Variants in ABCB1 observed in about 807,000 individuals in gnomAD.
ABCB1 encodes ATP binding cassette subfamily B member 1, also known as ATP-dependent translocase ABCB1.
A neutral mutation model predicts 142.0 loss-of-function variants in ABCB1; 69 were observed. That is an observed-to-expected ratio of 0.49 (90% CI 0.40 to 0.59). The LOEUF (loss-of-function observed/expected upper bound fraction) is 0.59. Among genes scored for constraint, ABCB1 ranks in the 20% least tolerant of loss-of-function variants. The pLI, the probability that ABCB1 is intolerant of heterozygous loss-of-function variation, is 0.00. For synonymous variants in ABCB1, 532 were observed against 539.2 expected, an observed-to-expected ratio of 0.99 and a Z score of 0.18; for missense variants, 1,326 against 1,554.7, an observed-to-expected ratio of 0.85 and a Z score of 2.47.
chr7:87,512,348 G>C (rs920270378), intron 25 of ABCB1, among the ~76,000 whole-genome samples: 2 of 151,972 alleles, frequency 1.3e-5, no homozygotes, highest in African/African-American at 4.8e-5. Flanking sequence ...CAGTTCAGTG[G>C]CTCTCGAATG....
At chr7:87,573,153 G>A (rs545831140) in intron 4 of ABCB1, among the ~76,000 whole-genome samples, 1 of 152,270 alleles carries the variant, frequency 6.6e-6, no homozygotes, top group South Asian at 2.1e-4. Flanking sequence ...GCAAAGGAGG[G>A]GCAAAGGCAT....
At chr7:87,674,217 G>GGT (rs1826100975) in intron 1 of ABCB1, among the ~76,000 whole-genome samples, 1 of 152,172 alleles carries the variant, frequency 6.6e-6, no homozygotes, top group South Asian at 2.1e-4. Context: ...AGTATAGCGA[G>GGT]GTACACCCTC....
intron 22 of ABCB1, among the ~76,000 whole-genome samples, chr7:87,520,186 A>T (rs528034091): frequency 1.3e-5 from 2 of 151,374 alleles, no homozygotes; most frequent in Admixed American, 1.3e-4. Flanking sequence ...ATTTCAAATA[A>T]TTTTTTTTTA....
At chr7:87,551,808 A>G (rs903321324) in intron 9 of ABCB1, among the ~76,000 whole-genome samples, 1 of 152,206 alleles carries the variant, frequency 6.6e-6, no homozygotes, top group Non-Finnish European at 1.5e-5. Flanking sequence ...AGAATATTAT[A>G]ATAGGATATT....
At chr7:87,531,764 T>C (rs564426857) in intron 20 of ABCB1, 7 of 421,230 alleles carry the variant, frequency 1.7e-5, no homozygotes, top group South Asian at 1.6e-4. Context: ...AAACCTTCAT[T>C]AATCACGGCA....
intron 3 of ABCB1, among the ~76,000 whole-genome samples, chr7:87,587,643 G>T (rs530744486): frequency 2.6e-5 from 4 of 151,962 alleles, no homozygotes; most frequent in Non-Finnish European, 4.4e-5. Flanking sequence ...AGGCCAAGGC[G>T]GGCAGATCAC....
intron 8 of ABCB1, among the ~76,000 whole-genome samples, chr7:87,558,452 T>A (rs1176078569): frequency 6.6e-6 from 1 of 152,196 alleles, no homozygotes; most frequent in Non-Finnish European, 1.5e-5. Flanking sequence ...GTGTAGACAA[T>A]CTTATCGTCT....
At chr7:87,664,369 C>T (rs1825019326) in intron 1 of ABCB1, among the ~76,000 whole-genome samples, 1 of 151,886 alleles carries the variant, frequency 6.6e-6, no homozygotes, top group Non-Finnish European at 1.5e-5. Flanking sequence ...TAGGGTAAAA[C>T]CAAAATTACT....
intron 20 of ABCB1, among the ~76,000 whole-genome samples, chr7:87,535,571 A>G (rs925318675): frequency 1.3e-5 from 2 of 152,146 alleles, no homozygotes; most frequent in Non-Finnish European, 2.9e-5. Flanking sequence ...TAAAACAACA[A>G]TTACTAAGAG....
chr7:87,545,038 G>A (rs1157205203), intron 15 of ABCB1, 39 bp from the exon 16 acceptor site: 10 of 1,582,702 alleles, frequency 6.3e-6, no homozygotes, highest in Admixed American at 1.7e-5. Flanking sequence ...TCATTAGGCT[G>A]TGTGTTAACC....
At chr7:87,597,383 G>C (rs1819250369) in intron 2 of ABCB1, among the ~76,000 whole-genome samples, 1 of 151,816 alleles carries the variant, frequency 6.6e-6, no homozygotes, top group Non-Finnish European at 1.5e-5. Context: ...TATTACCAAA[G>C]CCATATGCTT....
At chr7:87,630,191 T>C (rs1268873287) in intron 1 of ABCB1, among the ~76,000 whole-genome samples, 1 of 152,236 alleles carries the variant, frequency 6.6e-6, no homozygotes, top group Non-Finnish European at 1.5e-5. Flanking sequence ...TCTGTATTTT[T>C]CCGTTATTTT....
rs558968278 is a variant in ABCB1 at position 87,557,149 on chromosome 7, AT to A, written c.828-3218del. ...ATCACATTTTTAAATCAATATTTTTATTTTTTTCTTTGACGATTCCTTATAT... is the reference window on the plus strand; with the variant it reads ...ATCACATTTTTAAATCAATATTTTTATTTTTTCTTTGACGATTCCTTATAT... On this transcript the variant is annotated intron_variant, in intron 8 of 27. Coordinates refer to ENST00000622132, the MANE Select transcript of ABCB1 (RefSeq NM_001348946.2). Among the ~76,000 whole-genome samples the A allele has an allele frequency of 2.5e-3, 387 of 151,994 alleles. 1 individual carries two copies. Among genetic ancestry groups the A allele is most frequent in the East Asian group, 5.8e-3 (30 of 5,166 alleles).
intron 1 of ABCB1, among the ~76,000 whole-genome samples, chr7:87,658,656 A>C (rs1228525246): frequency 6.6e-6 from 1 of 152,248 alleles, no homozygotes; most frequent in Non-Finnish European, 1.5e-5. Flanking sequence ...CTTGCCTACA[A>C]GTAAGCAATT....
intron 21 of ABCB1, among the ~76,000 whole-genome samples, chr7:87,530,078 A>G (rs1815966375): frequency 1.3e-5 from 2 of 152,240 alleles, no homozygotes; most frequent in South Asian, 4.1e-4. Flanking sequence ...GAGGTAAAGG[A>G]CAAAGCATTA....
rs961407063 is a variant in ABCB1 at position 87,569,317 on chromosome 7, A to C, written c.338+855T>G. On this transcript the variant is annotated intron_variant, in intron 5 of 27. Coordinates refer to ENST00000622132, the MANE Select transcript of ABCB1 (RefSeq NM_001348946.2). ...CACTGCACTCCAGCCTGGGGGACAGAGTGACACTCTGTCTCAAAAAAAAAA... is the reference window on the plus strand; with the variant it reads ...CACTGCACTCCAGCCTGGGGGACAGCGTGACACTCTGTCTCAAAAAAAAAA... Among the ~76,000 whole-genome samples the C allele has an allele frequency of 3.0e-4, 41 of 137,752 alleles. 1 individual carries two copies. Among genetic ancestry groups the C allele is most frequent in the African/African-American group, 1.1e-3 (41 of 36,164 alleles). 90.4% of individuals were successfully genotyped at this position (137,752 alleles called of 152,430 possible). A position where few individuals can be genotyped will look rare whatever the true frequency, so the allele number is the denominator to read the frequency against.
chr7:87,514,386 C>T (rs1292453016), intron 25 of ABCB1, among the ~76,000 whole-genome samples: 1 of 152,198 alleles, frequency 6.6e-6, no homozygotes, highest in Non-Finnish European at 1.5e-5. Context: ...TCCTATCCCC[C>T]ATCATAGTCG....
chr7:87,678,636 C>T (rs984247320), intron 1 of ABCB1, among the ~76,000 whole-genome samples: 6 of 151,868 alleles, frequency 4.0e-5, no homozygotes, highest in African/African-American at 1.5e-4. Flanking sequence ...CTAAGCACTC[C>T]AATTAAAAGA....
At chr7:87,670,966 G>A (rs1015568862) in intron 1 of ABCB1, among the ~76,000 whole-genome samples, 4 of 151,998 alleles carry the variant, frequency 2.6e-5, no homozygotes, top group South Asian at 4.1e-4. Flanking sequence ...GCTTTGGGGC[G>A]ATCTCAGTGT....
Sources: gnomAD v4.1 joint callset for allele counts (sites outside exome capture counted in the v4.1 genomes callset) on GRCh38, gnomAD v4.1.1 for gene constraint, MANE v1.5 for transcripts, NCBI Gene and HGNC (gene_info 2026-07-23, HGNC 2026-07-21) for gene names.